The following ZNF827 variants were observed in gnomAD, a reference collection of about 807,000 sequenced individuals.
ZNF827 encodes zinc finger protein 827.
Under a neutral mutation model 102.4 loss-of-function variants are expected in ZNF827, and 13 were observed. The ratio of observed to expected loss-of-function variants is 0.13; its 90% confidence interval spans 0.08 to 0.20. The LOEUF is 0.20. ZNF827 is among the 10% of genes least tolerant of loss of function. ZNF827 has a pLI of 1.00. For missense variants in ZNF827, 1,103 were observed against 1,344.4 expected (o/e 0.82, Z 2.81); for synonymous variants, 523 against 536.2 (o/e 0.98, Z 0.34).
intron 8 of ZNF827, among the ~76,000 whole-genome samples, chr4:145,822,860 C>T (rs1345285871): frequency 2.0e-5 from 3 of 152,258 alleles, no homozygotes; most frequent in South Asian, 4.2e-4. Flanking sequence ...AAAGGAAGAA[C>T]GGATAAAAAA....
At chr4:145,814,590 TC>T (rs1742377757) in intron 8 of ZNF827, among the ~76,000 whole-genome samples, 1 of 143,860 alleles carries the variant, frequency 7.0e-6, no homozygotes, top group Non-Finnish European at 1.5e-5. Flanking sequence ...TACCAGTGTT[TC>T]CTGGTCTCAC....
chr4:145,936,250 TGC>T (rs1290401627), intron 1 of ZNF827, among the ~76,000 whole-genome samples: 1 of 151,864 alleles, frequency 6.6e-6, no homozygotes, highest in Non-Finnish European at 1.5e-5. Context: ...CACCAACTGC[TGC>T]GAGTTTTCTG....
chr4:145,812,497 ATATTTATTTATTTATT>A (rs71592421), intron 8 of ZNF827, among the ~76,000 whole-genome samples: 93 of 143,902 alleles, frequency 6.5e-4, no homozygotes, highest in Middle Eastern at 3.5e-3. Context: ...AAACCATTTT[ATATTTATTTATTTATT>A]TATTTATTTA....
chr4:145,807,316 C>T (rs1389838259), intron 8 of ZNF827, among the ~76,000 whole-genome samples: 1 of 152,198 alleles, frequency 6.6e-6, no homozygotes, highest in Non-Finnish European at 1.5e-5. Context: ...CTTACTCCCT[C>T]TAAACATTTA....
At chr4:145,936,808 C>T (rs1754207304) in intron 1 of ZNF827, among the ~76,000 whole-genome samples, 1 of 152,204 alleles carries the variant, frequency 6.6e-6, no homozygotes, top group South Asian at 2.1e-4. Flanking sequence ...ACCACGTCGG[C>T]CTGACACCCG....
chr4:145,763,008 C>A lies in ZNF827; in HGVS notation c.*17+82G>T. 7.4e-7 allele frequency: 1 copy of A among 1,348,512 alleles called. No individual in the cohort carries two copies. Among genetic ancestry groups the A allele is most frequent in the Middle Eastern group, 2.2e-4 (1 of 4,478 alleles). The allele number at this position is 1,348,512 out of a possible 1,614,324, so 83.5% of individuals were successfully genotyped here. A position where few individuals can be genotyped will look rare whatever the true frequency, so the allele number is the denominator to read the frequency against. On this transcript the variant is annotated intron_variant, in intron 14 of 14. Transcript: ENST00000508784. This position sits in a 1 kb window ranked among gnomAD's most constrained non-coding sequence, Gnocchi z 4.6. ...CCGTTAGCCTTTGAACCTCAGCTCACAGAAGAGTGCACACGAGAGAAATAT... is the reference window on the plus strand; with the variant it reads ...CCGTTAGCCTTTGAACCTCAGCTCAAAGAAGAGTGCACACGAGAGAAATAT...
At chr4:145,935,780 C>A (rs996866824) in intron 1 of ZNF827, among the ~76,000 whole-genome samples, 1 of 152,110 alleles carries the variant, frequency 6.6e-6, no homozygotes, top group African/African-American at 2.4e-5. Flanking sequence ...ACCAAGCACA[C>A]GAGCTAAAAT....
At chr4:145,937,573 C>T (rs1218793055) in intron 1 of ZNF827, among the ~76,000 whole-genome samples, 1 of 146,682 alleles carries the variant, frequency 6.8e-6, no homozygotes, top group Non-Finnish European at 1.5e-5. Flanking sequence ...GCCCCGCGCC[C>T]CGGCGCGCCC....
intron 8 of ZNF827, among the ~76,000 whole-genome samples, chr4:145,807,763 C>G: frequency 6.7e-6 from 1 of 148,756 alleles, no homozygotes; most frequent in African/African-American, 2.5e-5. Flanking sequence ...AGCCACTGTG[C>G]CAGGCTGCTT....
At chr4:145,860,818 A>C (rs182186815) in intron 5 of ZNF827, among the ~76,000 whole-genome samples, 107 of 152,354 alleles carry the variant, frequency 7.0e-4, no homozygotes, top group Non-Finnish European at 1.4e-3. Flanking sequence ...GATAGCGGGG[A>C]AACACTTTTA....
chr4:145,865,747 A>G (rs1204856902), intron 5 of ZNF827, among the ~76,000 whole-genome samples: 1 of 152,168 alleles, frequency 6.6e-6, no homozygotes, highest in Non-Finnish European at 1.5e-5. Context: ...TGTGGTTCGC[A>G]TGTATTGTTC....
chr4:145,871,013 A>G (rs1390078838), intron 4 of ZNF827, among the ~76,000 whole-genome samples: 1 of 152,204 alleles, frequency 6.6e-6, no homozygotes, highest in Non-Finnish European at 1.5e-5. Flanking sequence ...CTACTGATCC[A>G]TAAACAGTGG....
chr4:145,828,864 T>C (rs1184922500), intron 7 of ZNF827, among the ~76,000 whole-genome samples: 1 of 152,140 alleles, frequency 6.6e-6, no homozygotes, highest in Non-Finnish European at 1.5e-5. Flanking sequence ...TGGCTCTAAA[T>C]AGTGATACAT....
intron 7 of ZNF827, among the ~76,000 whole-genome samples, chr4:145,838,331 AC>A (rs902680026): frequency 1.3e-5 from 2 of 151,186 alleles, no homozygotes; most frequent in Non-Finnish European, 2.9e-5. Context: ...AGAGAACAAA[AC>A]CCCTTTGACT....
chr4:145,926,162 G>C (rs572169243), intron 1 of ZNF827, among the ~76,000 whole-genome samples: 1 of 152,318 alleles, frequency 6.6e-6, no homozygotes, highest in East Asian at 1.9e-4. Flanking sequence ...TGCTCAATTA[G>C]TGCTGGTGAA....
At chr4:145,900,781 G>A (rs1228847346) in intron 2 of ZNF827, among the ~76,000 whole-genome samples, 1 of 152,092 alleles carries the variant, frequency 6.6e-6, no homozygotes, top group Non-Finnish European at 1.5e-5. Context: ...CTATAAGTCA[G>A]GAGTGATTTT....
chr4:145,809,708 C>G (rs1187809979), intron 8 of ZNF827, among the ~76,000 whole-genome samples: 1 of 152,170 alleles, frequency 6.6e-6, no homozygotes, highest in East Asian at 1.9e-4. Context: ...CTGACCCCAC[C>G]CAGACCCATG....
intron 1 of ZNF827, among the ~76,000 whole-genome samples, chr4:145,937,152 G>C (rs1165732535): frequency 1.3e-5 from 2 of 152,142 alleles, no homozygotes; most frequent in East Asian, 1.9e-4. Flanking sequence ...GTTGGGGGGA[G>C]CTGGAGAGGG....
At chr4:145,882,248 C>CATACA (rs1437319645) in intron 4 of ZNF827, among the ~76,000 whole-genome samples, 1 of 152,218 alleles carries the variant, frequency 6.6e-6, no homozygotes, top group African/African-American at 2.4e-5. Flanking sequence ...GCTGCTGGAA[C>CATACA]ATACAGGCCT....
Sources: gnomAD v4.1 joint callset for allele counts (sites outside exome capture counted in the v4.1 genomes callset) on GRCh38, gnomAD v4.1.1 for gene constraint, Gnocchi (gnomAD v3.1) non-coding constraint, MANE v1.5 for transcripts, NCBI Gene and HGNC (gene_info 2026-07-23, HGNC 2026-07-21) for gene names.